The following SYT9 variants were observed in gnomAD, a reference collection of about 807,000 sequenced individuals.
The protein encoded by SYT9 is synaptotagmin 9.
In SYT9, 22 loss-of-function variants were observed where a neutral mutation model predicts 48.4. The observed-to-expected ratio is 0.45, with a 90% confidence interval of 0.32 to 0.65. The LOEUF is 0.65. Ranked by LOEUF, SYT9 falls within the 30% of genes least tolerant of loss-of-function variation. The pLI is 0.03. For synonymous variants in SYT9, 265 were observed against 245.0 expected (o/e 1.08, Z -0.76); for missense variants, 577 against 622.0 (o/e 0.93, Z 0.77).
At chr11:7,302,276 T>C (rs12294078) in intron 1 of SYT9, among the ~76,000 whole-genome samples, 24,553 of 152,174 alleles carry the variant, frequency 0.16, 2,349 homozygotes, top group African/African-American at 0.26. Flanking sequence ...CCATAGCAGG[T>C]TTAACCTTTA....
intron 1 of SYT9, among the ~76,000 whole-genome samples, chr11:7,268,077 A>G (rs1471669752): frequency 6.6e-6 from 1 of 152,000 alleles, no homozygotes; most frequent in Non-Finnish European, 1.5e-5. Flanking sequence ...ATAGGCCTAA[A>G]TATTTTTATA....
intron 2 of SYT9, among the ~76,000 whole-genome samples, chr11:7,305,544 G>A (rs1252449348): frequency 6.6e-6 from 1 of 152,112 alleles, no homozygotes; most frequent in Non-Finnish European, 1.5e-5. Context: ...AGGAAAAAGA[G>A]AATGAAATTT....
chr11:7,299,888 T>G (rs900422908), intron 1 of SYT9, among the ~76,000 whole-genome samples: 2 of 152,172 alleles, frequency 1.3e-5, no homozygotes, highest in Non-Finnish European at 2.9e-5. Context: ...AACTTCAATT[T>G]ACTTAGCATG....
chr11:7,362,197 T>A (rs987514353), intron 3 of SYT9, among the ~76,000 whole-genome samples: 1 of 151,118 alleles, frequency 6.6e-6, no homozygotes, highest in Non-Finnish European at 1.5e-5. Context: ...CAGGCTGGAG[T>A]GCGGTGGTGT....
intron 1 of SYT9, among the ~76,000 whole-genome samples, chr11:7,265,342 G>T (rs994868118): frequency 1.3e-5 from 2 of 152,110 alleles, no homozygotes; most frequent in Non-Finnish European, 2.9e-5. Context: ...GGTGAAAAGC[G>T]ATTGAATGTC....
chr11:7,458,726 AG>A (rs781709250), intron 6 of SYT9, among the ~76,000 whole-genome samples: 8 of 152,152 alleles, frequency 5.3e-5, no homozygotes, highest in Non-Finnish European at 7.4e-5. Flanking sequence ...GAGGATAGTG[AG>A]GAGAGTAATG....
chr11:7,423,996 G>A (rs1337080370), intron 6 of SYT9, among the ~76,000 whole-genome samples: 1 of 152,164 alleles, frequency 6.6e-6, no homozygotes, highest in Non-Finnish European at 1.5e-5. Context: ...GGAAGACAGA[G>A]AGAGAGGGAG....
intron 1 of SYT9, among the ~76,000 whole-genome samples, chr11:7,275,562 T>C (rs1848372538): frequency 6.6e-6 from 1 of 152,216 alleles, no homozygotes; most frequent in Admixed American, 6.5e-5. Flanking sequence ...CCATTTCTTC[T>C]GTCACTTATG....
At chr11:7,340,068 T>C (rs910611680) in intron 3 of SYT9, among the ~76,000 whole-genome samples, 26 of 152,236 alleles carry the variant, frequency 1.7e-4, no homozygotes, top group Non-Finnish European at 3.2e-4. Context: ...TCATTGTTTT[T>C]TTCTTTATTT....
rs74496749 is a variant in SYT9 at position 7,403,713 on chromosome 11, C to G, written c.1045-12329C>G. Among the ~76,000 whole-genome samples, 4 of 151,438 alleles carry G rather than the reference C, an allele frequency of 2.6e-5. No individual in the cohort carries two copies. The East Asian group carries it at 7.7e-4, about 29-fold the overall frequency. ...TGAAATTCTCAAATTTAAATGAAAC[C>G]TGTTTTATAATTCAAATATAATCTG... On this transcript the variant is annotated intron_variant, in intron 3 of 6. Coordinates refer to ENST00000318881, the MANE Select transcript of SYT9 (RefSeq NM_175733.4).
At position 7,252,208 on chromosome 11, in the gene SYT9, C is replaced by T; in HGVS notation, c.22C>T (p.Leu8Phe). 1.4e-6 allele frequency: 2 copies of T among 1,475,872 alleles called. No individual in the cohort carries two copies. The highest frequency in any genetic ancestry group is 1.8e-6 in the Non-Finnish European group (2 of 1,114,316). 91.4% of individuals were successfully genotyped at this position (1,475,872 alleles called of 1,614,324 possible). A position where few individuals can be genotyped will look rare whatever the true frequency, so the allele number is the denominator to read the frequency against. ...GGCGATGCCCGGGGCCAGGGACGCG[C>T]TCTGTCACCAGGCGCTGCAGCTGCT... is the stretch of plus-strand genomic sequence containing the variant. MPGARDALCHQALQLLAE... is the reference protein window; with the variant it reads MPGARDAFCHQALQLLAE... Residue 8 changes from leucine to phenylalanine, a missense_variant, in exon 1 of 7, where the codon CTC becomes TTC. By Grantham distance (22) the Leu-to-Phe change is conservative. Coordinates refer to ENST00000318881, the MANE Select transcript of SYT9 (RefSeq NM_175733.4). The surrounding 1 kb of genome is among the most constrained non-coding windows in gnomAD (Gnocchi z 6.3).
intron 1 of SYT9, among the ~76,000 whole-genome samples, chr11:7,241,387 C>T (rs1455149637): frequency 6.6e-6 from 1 of 152,036 alleles, no homozygotes; most frequent in Admixed American, 6.6e-5. Flanking sequence ...AATTATTTTG[C>T]AGTTATTGAA....
chr11:7,454,544 G>A (rs190362201), intron 6 of SYT9, among the ~76,000 whole-genome samples: 28 of 152,234 alleles, frequency 1.8e-4, no homozygotes, highest in African/African-American at 4.1e-4. Context: ...AAGACAATGC[G>A]AGTAACTGAA....
At chr11:7,263,731 A>G (rs986403) in intron 1 of SYT9, among the ~76,000 whole-genome samples, 149,388 of 152,284 alleles carry the variant, frequency 0.98, 73,335 homozygotes, top group Middle Eastern at 1. Context: ...TAATAACATG[A>G]AGGCTAATTG....
At chr11:7,445,376 C>T (rs987450634) in intron 6 of SYT9, among the ~76,000 whole-genome samples, 6 of 152,156 alleles carry the variant, frequency 3.9e-5, no homozygotes, top group African/African-American at 1.4e-4. Flanking sequence ...GCTTCACTGT[C>T]CAGCCTTGGA....
At chr11:7,425,452 G>T in intron 6 of SYT9, among the ~76,000 whole-genome samples, 1 of 152,290 alleles carries the variant, frequency 6.6e-6, no homozygotes, top group East Asian at 1.9e-4. Context: ...GAAAAGCCAC[G>T]TAGGAAATCA....
intron 6 of SYT9, among the ~76,000 whole-genome samples, chr11:7,452,118 AACACACACACAC>A (rs142000557): frequency 6.8e-6 from 1 of 147,544 alleles, no homozygotes; most frequent in African/African-American, 2.5e-5. Context: ...TTATATTTAA[AACACACACACAC>A]ACACACACAC....
At position 7,309,507 on chromosome 11, in the gene SYT9, G is replaced by C. The variant is rs374425902; in HGVS notation, c.498-3888G>C. 6.0e-4 allele frequency among the ~76,000 whole-genome samples: 91 copies of C among 152,218 alleles called. No individual in the cohort carries two copies. In the South Asian group the frequency reaches 0.018, roughly 30 times the overall value. On this transcript the variant is annotated intron_variant, in intron 2 of 6. Transcript: ENST00000318881. ...GTCAGTCAGTGGCTTTGAAATTCTA[G>C]ACCCTTGCCCTGGGAGCCTCGCATT...
At chr11:7,320,207 A>C (rs961388520) in intron 3 of SYT9, among the ~76,000 whole-genome samples, 1 of 152,200 alleles carries the variant, frequency 6.6e-6, no homozygotes, top group African/African-American at 2.4e-5. Flanking sequence ...AATCAAAATT[A>C]AGACCAAGTT....
Sources: gnomAD v4.1 joint callset for allele counts (sites outside exome capture counted in the v4.1 genomes callset) on GRCh38, gnomAD v4.1.1 for gene constraint, Gnocchi (gnomAD v3.1) non-coding constraint, MANE v1.5 for transcripts, NCBI Gene and HGNC (gene_info 2026-07-23, HGNC 2026-07-21) for gene names.